The following MRPS5 variants were observed in gnomAD, a reference collection of about 807,000 sequenced individuals.
MRPS5 encodes small ribosomal subunit protein uS5m.
MRPS5 carries 27 observed loss-of-function variants against 51.9 expected under a neutral mutation model. The ratio of observed to expected loss-of-function variants is 0.52; its 90% CI spans 0.38 to 0.72. MRPS5 has a LOEUF of 0.72. Ranked by LOEUF, MRPS5 falls within the 30% of genes least tolerant of loss-of-function variation. The pLI is 0.00. For missense variants in MRPS5, 570 were observed against 545.7 expected, an observed-to-expected ratio of 1.04 and a Z score of -0.44; for synonymous variants, 196 against 193.2, an observed-to-expected ratio of 1.01 and a Z score of -0.12.
intron 7 of MRPS5, among the ~76,000 whole-genome samples, chr2:95,102,503 A>T (rs1177884550): frequency 3.3e-5 from 5 of 152,122 alleles, no homozygotes; most frequent in Admixed American, 2.0e-4. Flanking sequence ...CTCTACAAAA[A>T]ATATAAAAAT....
rs1304091948 is a variant in MRPS5 at position 95,085,509 on chromosome 2, C to T, written c.*1848G>A. Among the ~76,000 whole-genome samples, 1 of 152,146 alleles carries T rather than the reference C, an allele frequency of 6.6e-6. No homozygotes were observed. Among genetic ancestry groups the T allele is most frequent in the Non-Finnish European group, 1.5e-5 (1 of 68,022 alleles). The stretch of plus-strand genomic sequence containing the variant: ...ACTACCTTACTCTAGCAAAATACCA[C>T]ACACAAAAAAAGGGGACCCACCCAC... On this transcript the variant is annotated 3_prime_UTR_variant, in exon 12 of 12. Transcript: ENST00000272418.
chr2:95,121,934 G>T, upstream of MRPS5: 1 of 977,234 alleles, frequency 1.0e-6, no homozygotes, highest in Non-Finnish European at 1.4e-6. Flanking sequence ...AGGCCGGGGT[G>T]AGGGACTGTC....
At chr2:95,111,831 G>A (rs1467939227) in intron 3 of MRPS5, among the ~76,000 whole-genome samples, 1 of 151,982 alleles carries the variant, frequency 6.6e-6, no homozygotes, top group Non-Finnish European at 1.5e-5. Context: ...TACATTGTGA[G>A]TCTTTTCCCA....
rs1346143335 is a variant in MRPS5 at position 95,086,057 on chromosome 2, A to ACAC, written c.*1297_*1299dup. On this transcript the variant is annotated 3_prime_UTR_variant, in exon 12 of 12. Coordinates refer to ENST00000272418, the MANE Select transcript of MRPS5 (RefSeq NM_031902.5). ...CCTATGTAGCTGGGACTACAGGCAT[A>ACAC]CACCACCATGTGTGTCTAACTTTTA... Among the ~76,000 whole-genome samples, 1 of 152,110 alleles carries ACAC rather than the reference A, an allele frequency of 6.6e-6. No homozygotes were observed. Among genetic ancestry groups the ACAC allele is most frequent in the Non-Finnish European group, 1.5e-5 (1 of 68,002 alleles).
Position 95,087,449 on chromosome 2 carries a change from C to T in MRPS5, c.1201G>A (p.Val401Ile), listed in dbSNP as rs189335343. ...LRKDPEPEDE[V>I]PDVKLDWEDV... ...TCCCAGTCCAGTTTGACGTCTGGAACCTCATCTTCTGGCTCTGGATCCTTC... is the reference window on the plus strand; with the variant it reads ...TCCCAGTCCAGTTTGACGTCTGGAATCTCATCTTCTGGCTCTGGATCCTTC... Residue 401 changes from valine to isoleucine, a missense_variant, in exon 12 of 12, where the codon GTT (valine) becomes ATT (isoleucine). Physicochemically the swap from Val to Ile is conservative, Grantham distance 29. Coordinates refer to ENST00000272418, the MANE Select transcript of MRPS5 (RefSeq NM_031902.5). The T allele has an allele frequency of 9.9e-6, 16 of 1,614,184 alleles. No homozygotes were observed. In the Admixed American group the frequency reaches 2.7e-4, roughly 27 times the overall value.
intron 5 of MRPS5, among the ~76,000 whole-genome samples, chr2:95,107,344 A>T (rs1241186218): frequency 6.6e-6 from 1 of 152,124 alleles, no homozygotes; most frequent in Non-Finnish European, 1.5e-5. Context: ...CTGCGGCCAC[A>T]TCACACAACA....
At position 95,108,244 on chromosome 2, in the gene MRPS5, C is replaced by G. The variant is rs1473273283; in HGVS notation, c.568G>C (p.Glu190Gln). The change falls in exon 5 of 12, where the codon GAG becomes CAG. Residue 190 changes from glutamate (E) to glutamine (Q), a missense_variant. Glu to Gln is a conservative substitution (Grantham distance 29). Coordinates refer to ENST00000272418, the MANE Select transcript of MRPS5 (RefSeq NM_031902.5). ...CATGAGTTTCCACTCCATCCTCGCT[C>G]CCGTTTAACCTTCATCTTCTTCTTT... ...DRKKKMKVKR[E>Q]RGWSGNSWGG... 1 of 1,614,142 alleles carries G rather than the reference C, an allele frequency of 6.2e-7. No homozygotes were observed. Among genetic ancestry groups the G allele is most frequent in the East Asian group, 2.2e-5 (1 of 44,876 alleles).
intron 10 of MRPS5, among the ~76,000 whole-genome samples, chr2:95,094,182 G>C (rs1444350700): frequency 6.6e-6 from 1 of 152,098 alleles, no homozygotes; most frequent in Admixed American, 6.6e-5. Flanking sequence ...GAGAAGTTTA[G>C]AGAAAAAAGA....
At chr2:95,097,824 C>T (rs1675672687) in intron 10 of MRPS5, among the ~76,000 whole-genome samples, 1 of 152,128 alleles carries the variant, frequency 6.6e-6, no homozygotes, top group African/African-American at 2.4e-5. Flanking sequence ...AAAGCAATGG[C>T]AACAAAAGCC....
intron 4 of MRPS5, among the ~76,000 whole-genome samples, chr2:95,109,137 A>G (rs1444548603): frequency 1.3e-5 from 2 of 152,106 alleles, no homozygotes; most frequent in Non-Finnish European, 2.9e-5. Context: ...GTTTCTCTAT[A>G]ATCTACATTT....
chr2:95,106,770 CT>C (rs1284069409), intron 5 of MRPS5: 2 of 427,602 alleles, frequency 4.7e-6, no homozygotes, highest in African/African-American at 2.0e-5. Flanking sequence ...GCCTCTCCCC[CT>C]AGGCCAAGAC....
chr2:95,087,670 C>G (rs1423985561), intron 11 of MRPS5, 89 bp from the exon 12 acceptor site: 6 of 1,117,256 alleles, frequency 5.4e-6, no homozygotes, highest in Non-Finnish European at 7.7e-6. Flanking sequence ...AACAGTACAG[C>G]CTGGGGGTAT....
intron 4 of MRPS5, among the ~76,000 whole-genome samples, chr2:95,109,231 T>C (rs978853806): frequency 2.6e-5 from 4 of 151,986 alleles, no homozygotes; most frequent in African/African-American, 9.7e-5. Flanking sequence ...TAAAGAAAAA[T>C]ATCCAAGTAG....
At chr2:95,096,252 A>G (rs1675623535) in intron 10 of MRPS5, among the ~76,000 whole-genome samples, 1 of 152,230 alleles carries the variant, frequency 6.6e-6, no homozygotes, top group African/African-American at 2.4e-5. Flanking sequence ...ATTCTACCAG[A>G]GGTACAAAGA....
intron 10 of MRPS5, among the ~76,000 whole-genome samples, chr2:95,097,871 T>G (rs565927265): frequency 6.6e-6 from 1 of 152,190 alleles, no homozygotes; most frequent in Non-Finnish European, 1.5e-5. Flanking sequence ...ACTAAAGAGC[T>G]TCTGCATGGC....
intron 1 of MRPS5, among the ~76,000 whole-genome samples, chr2:95,119,830 A>G (rs1392837405): frequency 6.6e-6 from 1 of 152,204 alleles, no homozygotes; most frequent in Non-Finnish European, 1.5e-5. Context: ...TGGGAGGCCA[A>G]GGCGGGAGGA....
rs755320239 is a variant in MRPS5 at position 95,100,827 on chromosome 2, T to A, written c.868+10A>T. The A allele has an allele frequency of 2.5e-5, 39 of 1,578,722 alleles. No individual in the cohort carries two copies. The highest frequency in any genetic ancestry group is 3.0e-5 in the Non-Finnish European group (35 of 1,164,124). ...GCAAATTAAAAAAAAAAAAATAGAT[T>A]ATCACTCACTTGTATGGTCTTCATA... On this transcript the variant is annotated intron_variant, in intron 9 of 11. Coordinates refer to ENST00000272418, the MANE Select transcript of MRPS5 (RefSeq NM_031902.5).
At chr2:95,111,705 A>G (rs1676125217) in intron 3 of MRPS5, among the ~76,000 whole-genome samples, 1 of 152,176 alleles carries the variant, frequency 6.6e-6, no homozygotes, top group African/African-American at 2.4e-5. Context: ...TCCCATTACC[A>G]TTGTTAGATA....
At chr2:95,105,614 T>C (rs1435754745) in intron 6 of MRPS5, among the ~76,000 whole-genome samples, 1 of 151,818 alleles carries the variant, frequency 6.6e-6, no homozygotes, top group Non-Finnish European at 1.5e-5. Flanking sequence ...GGCTCTCTGG[T>C]GCATAGCTGT....
Sources: allele counts gnomAD v4.1 joint callset (sites outside exome capture counted in the v4.1 genomes callset), GRCh38; gene constraint gnomAD v4.1.1; transcripts MANE v1.5; gene names NCBI Gene and HGNC (gene_info 2026-07-23, HGNC 2026-07-21).